Variants in PDPK1 observed in about 807,000 individuals in gnomAD.
The protein encoded by PDPK1 is 3-phosphoinositide dependent protein kinase 1, also known as 3-phosphoinositide-dependent protein kinase 1.
PDPK1 carries 7 observed loss-of-function variants against 39.8 expected under a neutral mutation model. The ratio of observed to expected loss-of-function variants is 0.18; its 90% CI spans 0.10 to 0.33. PDPK1 has a LOEUF of 0.33. PDPK1 is among the 10% of genes least tolerant of loss of function. PDPK1 has a pLI of 1.00. For missense variants in PDPK1, 182 were observed against 384.7 expected, an observed-to-expected ratio of 0.47 and a Z score of 4.41; for synonymous variants, 118 against 159.1, an observed-to-expected ratio of 0.74 and a Z score of 1.95.
In PDPK1 at chr16:2,599,148, G is replaced by T; in HGVS notation, c.*1381G>T. The T allele has an allele frequency of 4.3e-6, 1 of 233,518 alleles. No individual in the cohort carries two copies. 14.5% of individuals were successfully genotyped at this position (233,518 alleles called of 1,614,324 possible). A position where few individuals can be genotyped will look rare whatever the true frequency, so the allele number is the denominator to read the frequency against. ...CCTAGCTACTCCCCAGGTAGAGAGT[G>T]CTCCTGGTGGCCTGGCAGGTCTGGG... On this transcript the variant is annotated 3_prime_UTR_variant, in exon 14 of 14. Transcript: ENST00000342085.
rs1194299996 is a variant in PDPK1 at position 2,598,737 on chromosome 16, C to T, written c.*970C>T. On this transcript the variant is annotated 3_prime_UTR_variant, in exon 14 of 14. Transcript: ENST00000342085. ...AAAAGGTTTAAATGTCCACGCCTCT[C>T]CAGTTGCTGAAGTAGGGTCTGAGAG... 8.6e-6 allele frequency: 2 copies of T among 233,206 alleles called. No homozygotes were observed. Among genetic ancestry groups the T allele is most frequent in the African/African-American group, 4.4e-5 (2 of 45,342 alleles). 14.4% of individuals were successfully genotyped at this position (233,206 alleles called of 1,614,324 possible).
At position 2,597,736 on chromosome 16, in the gene PDPK1, A is replaced by G. The variant is rs1320127013; in HGVS notation, c.1640A>G (p.Tyr547Cys). 5 of 1,612,948 alleles carry G rather than the reference A, an allele frequency of 3.1e-6. No individual in the cohort carries two copies. Among genetic ancestry groups the G allele is most frequent in the Non-Finnish European group, 4.2e-6 (5 of 1,179,846 alleles). ...RKIQEVWRQR[Y>C]QSHPDAAVQ ...ATCCAGGAGGTTTGGAGGCAGCGATACCAGAGCCACCCGGACGCCGCTGTG... is the reference window on the plus strand; with the variant it reads ...ATCCAGGAGGTTTGGAGGCAGCGATGCCAGAGCCACCCGGACGCCGCTGTG... Residue 547 changes from tyrosine to cysteine, a missense_variant, in exon 14 of 14, where the codon TAC becomes TGC. Coordinates refer to ENST00000342085, the MANE Select transcript of PDPK1 (RefSeq NM_002613.5). This position sits in a 1 kb window ranked among gnomAD's most constrained non-coding sequence, Gnocchi z 6.3.
Position 2,601,134 on chromosome 16 carries a change from G to A in PDPK1, c.*3367G>A. ...TACTTTTTTCCCCCTTAGATGCCTG[G>A]AAGTGGTATTTTGAGGTGAAAGAGT... On this transcript the variant is annotated 3_prime_UTR_variant, in exon 14 of 14. Coordinates refer to ENST00000342085, the MANE Select transcript of PDPK1 (RefSeq NM_002613.5). The A allele has an allele frequency of 4.3e-6, 1 of 232,930 alleles. No homozygotes were observed. The highest frequency in any genetic ancestry group is 8.5e-6 in the Non-Finnish European group (1 of 117,916). The allele number at this position is 232,930 out of a possible 1,614,324, so 14.4% of individuals were successfully genotyped here. A position where few individuals can be genotyped will look rare whatever the true frequency, so the allele number is the denominator to read the frequency against.
In PDPK1 at chr16:2,602,662, C is replaced by T; in HGVS notation, c.*4895C>T. 1 of 234,810 alleles carries T rather than the reference C, an allele frequency of 4.3e-6. No homozygotes were observed. Among genetic ancestry groups the T allele is most frequent in the East Asian group, 6.0e-5 (1 of 16,596 alleles). The allele number at this position is 234,810 out of a possible 1,614,324, so 14.5% of individuals were successfully genotyped here. A position where few individuals can be genotyped will look rare whatever the true frequency, so the allele number is the denominator to read the frequency against. On this transcript the variant is annotated 3_prime_UTR_variant, in exon 14 of 14. Coordinates refer to ENST00000342085, the MANE Select transcript of PDPK1 (RefSeq NM_002613.5). Reference sequence around the variant, plus strand: ...GTATTTAGAGCTGCTGTAGCTGTTCCTTCACAACATAAAATAGGATAAATG... The same window carrying T: ...GTATTTAGAGCTGCTGTAGCTGTTCTTTCACAACATAAAATAGGATAAATG...
At position 2,538,069 on chromosome 16, in the gene PDPK1, C is replaced by A; in HGVS notation, c.-44C>A. On this transcript the variant is annotated 5_prime_UTR_variant, in exon 1 of 14. Coordinates refer to ENST00000342085, the MANE Select transcript of PDPK1 (RefSeq NM_002613.5). The stretch of plus-strand genomic sequence containing the variant: ...AGGAGGACGCTGAGGAGGCGCCGAG[C>A]CGCGCAGCGCTGCGGGGGAGGCGCC... 1 of 996,492 alleles carries A rather than the reference C, an allele frequency of 1.0e-6. No homozygotes were observed. Among genetic ancestry groups the A allele is most frequent in the Non-Finnish European group, 1.2e-6 (1 of 824,490 alleles). The allele number at this position is 996,492 out of a possible 1,614,324, so 61.7% of individuals were successfully genotyped here.
At chr16:2,540,859 G>A (rs1247534033) in intron 1 of PDPK1, among the ~76,000 whole-genome samples, 6 of 152,372 alleles carry the variant, frequency 3.9e-5, no homozygotes, top group Non-Finnish European at 8.8e-5. Flanking sequence ...GGACTAGGCA[G>A]AGTGGCCTCC....
chr16:2,588,914 G>A (rs965959904), intron 11 of PDPK1, among the ~76,000 whole-genome samples: 17 of 152,106 alleles, frequency 1.1e-4, no homozygotes, highest in African/African-American at 3.6e-4. Context: ...TGGAATCTGC[G>A]TGCTTTTGGT....
intron 2 of PDPK1, among the ~76,000 whole-genome samples, chr16:2,558,441 C>A (rs1194092257): frequency 6.6e-6 from 1 of 150,534 alleles, no homozygotes; most frequent in Non-Finnish European, 1.5e-5. Context: ...ACGCTCTGGA[C>A]ATTTGCTGGA....
chr16:2,545,381 G>C (rs912389196), intron 1 of PDPK1, among the ~76,000 whole-genome samples: 11 of 150,742 alleles, frequency 7.3e-5, no homozygotes, highest in African/African-American at 2.4e-4. Context: ...GCCCAAACTA[G>C]AATGCAGTGG....
chr16:2,538,186 T>G, intron 1 of PDPK1, 50 bp downstream of exon 1: 1 of 1,007,530 alleles, frequency 9.9e-7, no homozygotes. Context: ...CCCTGCCGGG[T>G]CCGGCGGCCG....
At chr16:2,538,274 G>A (rs1567139895) in intron 1 of PDPK1, 138 bp downstream of exon 1, 1 of 316,520 alleles carries the variant, frequency 3.2e-6, no homozygotes, top group Non-Finnish European at 4.7e-6. Context: ...CGGCCGGGCC[G>A]GGGATGGCGG....
chr16:2,585,279 C>T (rs1438470208), intron 10 of PDPK1, among the ~76,000 whole-genome samples: 1 of 152,230 alleles, frequency 6.6e-6, no homozygotes, highest in Non-Finnish European at 1.5e-5. Context: ...TGTTAGATGG[C>T]CCATCCTTAG....
Position 2,594,892 on chromosome 16 carries a change from C to T in PDPK1, c.1344-901C>T, listed in dbSNP as rs1371173137. On this transcript the variant is annotated intron_variant, in intron 11 of 13. Coordinates refer to ENST00000342085, the MANE Select transcript of PDPK1 (RefSeq NM_002613.5). ...ATCCCAGCACTTTGGGAGGCCGAGG[C>T]GGGTGGATCACAAGGTCAGGAGATC... Among the ~76,000 whole-genome samples, 6 of 151,940 alleles carry T rather than the reference C, an allele frequency of 3.9e-5. 1 individual carries two copies. Among genetic ancestry groups the T allele is most frequent in the South Asian group, 2.1e-4 (1 of 4,806 alleles).
Position 2,587,263 on chromosome 16 carries a change from A to G in PDPK1, c.1343+370A>G, listed in dbSNP as rs1043256018. ...CCCACTTGTCCATTTATGTCTTCTA[A>G]GGTGAGTGCCAGGGGCAGTGTGTGA... On this transcript the variant is annotated intron_variant, in intron 11 of 13. Coordinates refer to ENST00000342085, the MANE Select transcript of PDPK1 (RefSeq NM_002613.5). 3.9e-5 allele frequency among the ~76,000 whole-genome samples: 6 copies of G among 152,206 alleles called. No individual in the cohort carries two copies. The East Asian group carries it at 1.2e-3, about 29-fold the overall frequency.
intron 1 of PDPK1, among the ~76,000 whole-genome samples, chr16:2,543,167 G>T (rs1407121158): frequency 7.4e-5 from 1 of 13,458 alleles, no homozygotes; most frequent in Non-Finnish European, 1.6e-4. Context: ...AAAGGGGCCC[G>T]CACTCACTTT....
At chr16:2,542,397 G>A (rs1257633811) in intron 1 of PDPK1, among the ~76,000 whole-genome samples, 1 of 152,146 alleles carries the variant, frequency 6.6e-6, no homozygotes, top group East Asian at 1.9e-4. Context: ...GGTCTCAAGG[G>A]ATCCTCCCGC....
At chr16:2,540,397 T>G (rs1187882701) in intron 1 of PDPK1, among the ~76,000 whole-genome samples, 2 of 152,150 alleles carry the variant, frequency 1.3e-5, no homozygotes, top group Admixed American at 6.5e-5. Context: ...GAGGTAGGTG[T>G]TGTTCCCATT....
In PDPK1 at chr16:2,588,528, C is replaced by A. The variant is rs577469528; in HGVS notation, c.1343+1635C>A. 9.9e-5 allele frequency among the ~76,000 whole-genome samples: 15 copies of A among 152,232 alleles called. No individual in the cohort carries two copies. The East Asian group carries it at 2.9e-3, about 29-fold the overall frequency. ...CCTTTGGTGACTCCCAGAAGAGGCC[C>A]CTCTGCCTGGGGCTGTTCTTAGAGG... On this transcript the variant is annotated intron_variant, in intron 11 of 13. Transcript: ENST00000342085.
Position 2,542,860 on chromosome 16 carries a change from C to T in PDPK1, c.24+4724C>T, listed in dbSNP as rs1025027772. 4.0e-5 allele frequency among the ~76,000 whole-genome samples: 6 copies of T among 151,588 alleles called. No individual in the cohort carries two copies. In the East Asian group the frequency reaches 1.2e-3, roughly 30 times the overall value. ...CGTGTTTGCGGAGCTGGTGACAGTG[C>T]CCTCTCCCCGTGCTGGAGAGGGCTG... is the stretch of plus-strand genomic sequence containing the variant. On this transcript the variant is annotated intron_variant, in intron 1 of 13. Coordinates refer to ENST00000342085, the MANE Select transcript of PDPK1 (RefSeq NM_002613.5).
Sources: allele counts gnomAD v4.1 joint callset (sites outside exome capture counted in the v4.1 genomes callset), GRCh38; gene constraint gnomAD v4.1.1; non-coding constraint Gnocchi (gnomAD v3.1); transcripts MANE v1.5; gene names NCBI Gene and HGNC (gene_info 2026-07-23, HGNC 2026-07-21).